The following ZBTB20 variants were observed in gnomAD, a reference collection of about 807,000 sequenced individuals.
ZBTB20 encodes zinc finger and BTB domain-containing protein 20.
Under a neutral mutation model 56.9 loss-of-function variants are expected in ZBTB20, and 9 were observed. That is an observed-to-expected ratio of 0.16 (90% confidence interval 0.10 to 0.28). ZBTB20 has a LOEUF of 0.28. Among genes scored for constraint, ZBTB20 ranks in the 10% least tolerant of loss-of-function variants. The pLI is 1.00. For synonymous variants in ZBTB20, 417 were observed against 420.7 expected, an observed-to-expected ratio of 0.99 and a Z score of 0.11; for missense variants, 655 against 1,003.0, an observed-to-expected ratio of 0.65 and a Z score of 4.69.
rs1026601654 is a variant in ZBTB20 at position 114,380,345 on chromosome 3, G to A, written c.71C>T (p.Pro24Leu). The change falls in exon 10 of 12, where the codon CCG (proline) becomes CTG (leucine). Residue 24 changes from proline (P) to leucine (L), a missense_variant. Around this residue, in one of 10 missense-constraint regions of ZBTB20, gnomAD observed 79 missense variants for 78.4 expected, o/e 1.01. Coordinates refer to ENST00000675478, the MANE Select transcript of ZBTB20 (RefSeq NM_001348800.3). Reference sequence around the variant, plus strand: ...GCCCGGCTTGGCGCTGGATCCACCCGGCTGAGTAATCTCATTCTCCTCAGA... The same window carrying A: ...GCCCGGCTTGGCGCTGGATCCACCCAGCTGAGTAATCTCATTCTCCTCAGA... ...KASEENEITQ[P>L]GGSSAKPGLP... 30 of 1,537,020 alleles carry A rather than the reference G, an allele frequency of 2.0e-5. No individual in the cohort carries two copies. Among genetic ancestry groups the A allele is most frequent in the African/African-American group, 2.7e-5 (2 of 73,018 alleles).
At chr3:115,136,123 C>T (rs547293749) in intron 1 of ZBTB20, among the ~76,000 whole-genome samples, 2 of 152,112 alleles carry the variant, frequency 1.3e-5, no homozygotes, top group Non-Finnish European at 2.9e-5. Context: ...ATGGGAGATA[C>T]CTGACACATT....
At chr3:115,062,905 T>C (rs1284937747) in intron 2 of ZBTB20, among the ~76,000 whole-genome samples, 1 of 152,218 alleles carries the variant, frequency 6.6e-6, no homozygotes, top group African/African-American at 2.4e-5. Flanking sequence ...GGGAAACTAT[T>C]CTTTCTTTAA....
intron 1 of ZBTB20, among the ~76,000 whole-genome samples, chr3:115,082,431 C>T (rs901439935): frequency 1.3e-5 from 2 of 152,144 alleles, no homozygotes; most frequent in Non-Finnish European, 2.9e-5. Flanking sequence ...ATATACCTTG[C>T]TGCACTTTGC....
intron 5 of ZBTB20, among the ~76,000 whole-genome samples, chr3:114,779,024 C>G (rs1295871025): frequency 6.6e-6 from 1 of 152,126 alleles, no homozygotes; most frequent in East Asian, 1.9e-4. Flanking sequence ...AAATGGGAAT[C>G]TCAATGTGTT....
intron 6 of ZBTB20, among the ~76,000 whole-genome samples, chr3:114,582,973 A>G (rs1184068976): frequency 6.6e-6 from 1 of 152,250 alleles, no homozygotes. Context: ...CTGCCAATGC[A>G]CAAAGATCAT....
At chr3:114,780,500 T>C (rs1213069916) in intron 5 of ZBTB20, among the ~76,000 whole-genome samples, 1 of 152,208 alleles carries the variant, frequency 6.6e-6, no homozygotes, top group Non-Finnish European at 1.5e-5. Flanking sequence ...TCTCTTTTCT[T>C]TTTTTTGAGA....
chr3:114,948,049 G>T (rs2076942851), intron 3 of ZBTB20, among the ~76,000 whole-genome samples: 2 of 145,648 alleles, frequency 1.4e-5, no homozygotes, highest in East Asian at 1.9e-4. Context: ...AATGCAAATA[G>T]AAATATCTTA....
At chr3:114,763,108 T>A (rs2068547494) in intron 5 of ZBTB20, among the ~76,000 whole-genome samples, 1 of 152,202 alleles carries the variant, frequency 6.6e-6, no homozygotes, top group Non-Finnish European at 1.5e-5. Flanking sequence ...AAAGGTGACT[T>A]AATCCCAGTT....
At chr3:115,095,841 T>A (rs1341474380) in intron 1 of ZBTB20, among the ~76,000 whole-genome samples, 1 of 152,356 alleles carries the variant, frequency 6.6e-6, no homozygotes, top group East Asian at 1.9e-4. Context: ...CTCTAGAATA[T>A]CTAAGATATG....
intron 6 of ZBTB20, among the ~76,000 whole-genome samples, chr3:114,608,800 T>C (rs2057349793): frequency 1.3e-5 from 2 of 152,344 alleles, no homozygotes; most frequent in South Asian, 4.1e-4. Flanking sequence ...TACTTTTATT[T>C]CATTGTCTGT....
At position 114,333,441 on chromosome 3, in the gene ZBTB20, CAA is replaced by C. The variant is rs1484189836; in HGVS notation, c.*5562_*5563del. The C allele has an allele frequency of 6.6e-6, 1 of 152,190 alleles. No individual in the cohort carries two copies. Among genetic ancestry groups the C allele is most frequent in the African/African-American group, 2.4e-5 (1 of 41,436 alleles). 9.4% of individuals were successfully genotyped at this position (152,190 alleles called of 1,614,324 possible). On this transcript the variant is annotated 3_prime_UTR_variant, in exon 12 of 12. Coordinates refer to ENST00000675478, the MANE Select transcript of ZBTB20 (RefSeq NM_001348800.3). ...AACAGCCGTTTTCTTCATGAAAACA[CAA>C]AGAGGGGAAAGAGGCTGCTGCTGTT...
intron 4 of ZBTB20, among the ~76,000 whole-genome samples, chr3:114,840,442 T>C (rs188970247): frequency 1.3e-5 from 2 of 152,378 alleles, no homozygotes; most frequent in South Asian, 4.1e-4. Flanking sequence ...TGACTATTCA[T>C]GTCATTTCAA....
chr3:114,980,379 T>C (rs572094338), intron 2 of ZBTB20, among the ~76,000 whole-genome samples: 3 of 150,874 alleles, frequency 2.0e-5, no homozygotes, highest in African/African-American at 7.2e-5. Flanking sequence ...TTGAAATGTA[T>C]ATCCTTTCTA....
At chr3:114,510,254 G>A (rs1205797547) in intron 6 of ZBTB20, among the ~76,000 whole-genome samples, 1 of 152,146 alleles carries the variant, frequency 6.6e-6, no homozygotes, top group Non-Finnish European at 1.5e-5. Flanking sequence ...ATATGACAGT[G>A]GCCTGAGCCG....
chr3:114,352,686 A>G (rs773113805), intron 10 of ZBTB20, among the ~76,000 whole-genome samples: 24 of 152,202 alleles, frequency 1.6e-4, no homozygotes, highest in Non-Finnish European at 3.4e-4. Context: ...CTGAGGCTTA[A>G]TGAAGGAGGA....
At chr3:114,800,518 C>A (rs1364444300) in intron 5 of ZBTB20, among the ~76,000 whole-genome samples, 2 of 151,764 alleles carry the variant, frequency 1.3e-5, no homozygotes, top group Non-Finnish European at 2.9e-5. Context: ...ATAAGATGTG[C>A]TATTTTGACT....
At chr3:114,907,913 TTAAAA>T (rs2075381424) in intron 3 of ZBTB20, among the ~76,000 whole-genome samples, 1 of 151,748 alleles carries the variant, frequency 6.6e-6, no homozygotes. Context: ...CGCTAAGGAA[TTAAAA>T]TAAAGCAGGG....
chr3:114,913,052 A>C (rs1056070678), intron 3 of ZBTB20, among the ~76,000 whole-genome samples: 2 of 152,080 alleles, frequency 1.3e-5, no homozygotes, highest in African/African-American at 4.8e-5. Context: ...ATGAAAGTGC[A>C]TATATATCTT....
chr3:114,428,485 A>T (rs114492852), intron 7 of ZBTB20, among the ~76,000 whole-genome samples: 2 of 152,306 alleles, frequency 1.3e-5, no homozygotes, highest in Non-Finnish European at 2.9e-5. Context: ...GGAACTGGGT[A>T]GATTTTAGTC....
Sources: gnomAD v4.1 joint callset for allele counts (sites outside exome capture counted in the v4.1 genomes callset) on GRCh38, gnomAD v4.1.1 for gene constraint, gnomAD v4.1.1 regional missense constraint, MANE v1.5 for transcripts, NCBI Gene and HGNC (gene_info 2026-07-23, HGNC 2026-07-21) for gene names.